Variants in KSR2 observed in about 807,000 individuals in gnomAD.
KSR2 encodes kinase suppressor of ras 2.
In KSR2, 25 loss-of-function variants were observed where a neutral mutation model predicts 107.8. The observed-to-expected ratio is 0.23, with a 90% CI of 0.17 to 0.32. The LOEUF is 0.32. KSR2 is among the 10% of genes least tolerant of loss of function. The pLI, the probability that KSR2 is intolerant of heterozygous loss-of-function variation, is 1.00. For missense variants in KSR2, 887 were observed against 1,268.9 expected, an observed-to-expected ratio of 0.70 and a Z score of 4.57; for synonymous variants, 480 against 507.0, an observed-to-expected ratio of 0.95 and a Z score of 0.71.
chr12:117,459,243 C>T lies in KSR2; in HGVS notation c.*7956G>A, dbSNP rs537479379. The T allele has an allele frequency of 1.1e-4, 16 of 152,338 alleles. No homozygotes were observed. Among genetic ancestry groups the T allele is most frequent in the African/African-American group, 3.8e-4 (16 of 41,578 alleles). 9.4% of individuals were successfully genotyped at this position (152,338 alleles called of 1,614,324 possible). ...ACCAACTACAGCCCAAATGGCTTGG[C>T]TTCTGGAAGTTTCTGAGGCCTGAGT... On this transcript the variant is annotated 3_prime_UTR_variant, in exon 20 of 20. Coordinates refer to ENST00000339824, the MANE Select transcript of KSR2 (RefSeq NM_173598.6).
At chr12:117,648,305 G>A (rs1217620103) in intron 5 of KSR2, among the ~76,000 whole-genome samples, 1 of 145,466 alleles carries the variant, frequency 6.9e-6, no homozygotes, top group African/African-American at 2.6e-5. Flanking sequence ...TTCTTTAGAA[G>A]TGGAGGAGGA....
At chr12:117,592,559 C>G (rs964815445) in intron 5 of KSR2, among the ~76,000 whole-genome samples, 6 of 152,166 alleles carry the variant, frequency 3.9e-5, no homozygotes, top group Admixed American at 6.5e-5. Context: ...AAATGCGAAT[C>G]CTAGAGTCAT....
intron 1 of KSR2, among the ~76,000 whole-genome samples, chr12:117,928,120 C>T (rs935674325): frequency 6.6e-6 from 1 of 151,710 alleles, no homozygotes; most frequent in Non-Finnish European, 1.5e-5. Context: ...TTTCACTCAG[C>T]ATCATGTTTT....
chr12:117,784,440 C>G (rs192163314), intron 3 of KSR2, among the ~76,000 whole-genome samples: 2 of 152,320 alleles, frequency 1.3e-5, no homozygotes, highest in Admixed American at 6.5e-5. Context: ...TCCATTAAAC[C>G]TCTTTCCTTT....
At position 117,860,395 on chromosome 12, in the gene KSR2, A is replaced by G; in HGVS notation, c.217T>C (p.Cys73Arg). The change falls in exon 2 of 20, where the codon TGC becomes CGC. Residue 73 changes from cysteine (C) to arginine (R), a missense_variant. Cys to Arg is a radical substitution (Grantham distance 180). Transcript: ENST00000339824. ...TCCTGCAAGGCTACCTTCTTTTTGC[A>G]GGACAGCTGCCGGCTGAAGTACTTC... ...LVKYFSRQLS[C>R]KKKVALQERN... 6.2e-7 allele frequency: 1 copy of G among 1,612,302 alleles called. No individual in the cohort carries two copies. Among genetic ancestry groups the G allele is most frequent in the Non-Finnish European group, 8.5e-7 (1 of 1,179,274 alleles).
intron 2 of KSR2, among the ~76,000 whole-genome samples, chr12:117,857,076 T>A (rs780742405): frequency 6.6e-6 from 1 of 152,078 alleles, no homozygotes. Flanking sequence ...TTTTCTTAAA[T>A]AGAGACAGGG....
intron 4 of KSR2, among the ~76,000 whole-genome samples, chr12:117,731,702 C>G (rs1276883878): frequency 6.6e-6 from 1 of 152,076 alleles, no homozygotes; most frequent in Non-Finnish European, 1.5e-5. Flanking sequence ...AAAAATTCTT[C>G]TGCCTTGGGA....
chr12:117,457,328 G>C lies in KSR2; in HGVS notation c.*9871C>G, dbSNP rs559397353. The C allele has an allele frequency of 6.6e-6, 1 of 152,224 alleles. No individual in the cohort carries two copies. The highest frequency in any genetic ancestry group is 2.4e-5 in the African/African-American group (1 of 41,448). 9.4% of individuals were successfully genotyped at this position (152,224 alleles called of 1,614,324 possible). A position where few individuals can be genotyped will look rare whatever the true frequency, so the allele number is the denominator to read the frequency against. ...AGGATGCTGGATTTGAATCCTAGTC[G>C]CGTGGCCTGGAGACAACTCAGGGGA... On this transcript the variant is annotated 3_prime_UTR_variant, in exon 20 of 20. Transcript: ENST00000339824.
At chr12:117,637,223 C>A (rs1185032627) in intron 5 of KSR2, among the ~76,000 whole-genome samples, 1 of 152,186 alleles carries the variant, frequency 6.6e-6, no homozygotes, top group Non-Finnish European at 1.5e-5. Context: ...ATTTTGTCAG[C>A]CAATTATACA....
chr12:117,861,544 A>ATG (rs1358608709), intron 1 of KSR2, among the ~76,000 whole-genome samples: 2,449 of 151,468 alleles, frequency 0.016, 70 homozygotes, highest in African/African-American at 0.057. Flanking sequence ...GCCCGCCACC[A>ATG]CACCCGGCTA....
chr12:117,581,755 C>A (rs764411151), intron 6 of KSR2, among the ~76,000 whole-genome samples: 1 of 152,200 alleles, frequency 6.6e-6, no homozygotes, highest in Non-Finnish European at 1.5e-5. Flanking sequence ...CCCAGCAGGG[C>A]TAGAGCTCTG....
At chr12:117,750,686 T>C (rs999076496) in intron 4 of KSR2, among the ~76,000 whole-genome samples, 2 of 147,454 alleles carry the variant, frequency 1.4e-5, no homozygotes, top group African/African-American at 5.1e-5. Flanking sequence ...ATCCCCAGTG[T>C]CTACTGTTGC....
chr12:117,760,903 C>G (rs1278359227), intron 4 of KSR2, 108 bp downstream of exon 4: 1 of 1,393,082 alleles, frequency 7.2e-7, no homozygotes, highest in Non-Finnish European at 9.9e-7. Context: ...GAGTCTGGAA[C>G]GCAAGTCTGT....
intron 3 of KSR2, among the ~76,000 whole-genome samples, chr12:117,771,053 T>C (rs1889434998): frequency 6.6e-6 from 1 of 151,974 alleles, no homozygotes; most frequent in Non-Finnish European, 1.5e-5. Flanking sequence ...CAATCCTCCG[T>C]GGCATCCTGT....
At chr12:117,626,391 T>C (rs1308178134) in intron 5 of KSR2, among the ~76,000 whole-genome samples, 3 of 152,234 alleles carry the variant, frequency 2.0e-5, no homozygotes, top group African/African-American at 7.2e-5. Context: ...TCCCAGAGAT[T>C]CTGGTACCTT....
chr12:117,598,555 T>C (rs528720329), intron 5 of KSR2, among the ~76,000 whole-genome samples: 32 of 152,344 alleles, frequency 2.1e-4, no homozygotes, highest in South Asian at 4.1e-4. Context: ...TTTTCCCTAG[T>C]GGTTGTACTA....
chr12:117,900,119 C>CT (rs1894638022), intron 1 of KSR2, among the ~76,000 whole-genome samples: 1 of 152,186 alleles, frequency 6.6e-6, no homozygotes, highest in Non-Finnish European at 1.5e-5. Context: ...TCCACAGAAA[C>CT]TGTGAGATAA....
At chr12:117,813,056 T>A (rs1891255089) in intron 3 of KSR2, among the ~76,000 whole-genome samples, 1 of 151,320 alleles carries the variant, frequency 6.6e-6, no homozygotes, top group Non-Finnish European at 1.5e-5. Context: ...TTGACAAAGG[T>A]GTCAAAAAAA....
intron 5 of KSR2, among the ~76,000 whole-genome samples, chr12:117,655,592 T>C (rs1884117274): frequency 6.6e-6 from 1 of 152,254 alleles, no homozygotes; most frequent in East Asian, 1.9e-4. Flanking sequence ...ACTAGCAAAG[T>C]TTTTGCTTCC....
Sources: allele counts gnomAD v4.1 joint callset (sites outside exome capture counted in the v4.1 genomes callset), GRCh38; gene constraint gnomAD v4.1.1; transcripts MANE v1.5; gene names NCBI Gene and HGNC (gene_info 2026-07-23, HGNC 2026-07-21).